KDM7A: variants seen among roughly 807,000 people sequenced by gnomAD.
KDM7A encodes lysine demethylase 7A.
A neutral mutation model predicts 114.8 loss-of-function variants in KDM7A; 28 were observed. That is an observed-to-expected ratio of 0.24 (90% CI 0.18 to 0.33). KDM7A has a LOEUF of 0.33. Ranked by LOEUF, KDM7A falls within the 10% of genes least tolerant of loss-of-function variation. KDM7A has a pLI of 1.00. For synonymous variants in KDM7A, 423 were observed against 397.8 expected, an observed-to-expected ratio of 1.06 and a Z score of -0.75; for missense variants, 942 against 1,142.5, an observed-to-expected ratio of 0.82 and a Z score of 2.53.
At chr7:140,132,066 T>C (rs1818795810) in intron 3 of KDM7A, among the ~76,000 whole-genome samples, 1 of 152,234 alleles carries the variant, frequency 6.6e-6, no homozygotes, top group Non-Finnish European at 1.5e-5. Flanking sequence ...TTAATGTTTT[T>C]ATGTAGAAAA....
intron 17 of KDM7A, among the ~76,000 whole-genome samples, chr7:140,095,264 C>CGGT (rs1196088636): frequency 2.6e-5 from 4 of 152,144 alleles, no homozygotes; most frequent in Non-Finnish European, 5.9e-5. Context: ...CTGAATTTTG[C>CGGT]AGTATTTCCA....
intron 1 of KDM7A, among the ~76,000 whole-genome samples, chr7:140,157,554 T>C (rs1562959664): frequency 1.3e-5 from 2 of 152,146 alleles, no homozygotes; most frequent in African/African-American, 2.4e-5. Flanking sequence ...CTTGGGAGGC[T>C]GAAGTGTGAG....
At chr7:140,100,681 CATATATACAT>C (rs1818191717) in intron 12 of KDM7A, among the ~76,000 whole-genome samples, 9 of 44,346 alleles carry the variant, frequency 2.0e-4, no homozygotes, top group East Asian at 1.2e-3. Flanking sequence ...TATATATATA[CATATATACAT>C]ATATATATAT....
intron 18 of KDM7A, among the ~76,000 whole-genome samples, chr7:140,093,037 TTAAA>T (rs761580415): frequency 1.3e-5 from 2 of 152,232 alleles, no homozygotes; most frequent in African/African-American, 2.4e-5. Flanking sequence ...AAGTAATTGC[TTAAA>T]TATTTAGAAA....
intron 3 of KDM7A, among the ~76,000 whole-genome samples, chr7:140,131,623 T>C (rs1818788060): frequency 6.6e-6 from 1 of 152,208 alleles, no homozygotes; most frequent in Admixed American, 6.5e-5. Context: ...GTATTACCTC[T>C]TAGTTTCCCC....
intron 1 of KDM7A, among the ~76,000 whole-genome samples, chr7:140,145,509 A>T (rs866545701): frequency 2.6e-5 from 4 of 152,222 alleles, no homozygotes; most frequent in Admixed American, 1.3e-4. Context: ...GTGTGGAAAC[A>T]GTGTGTGGCT....
rs1256639771 is a variant in KDM7A at position 140,124,641 on chromosome 7, T to C, written c.1031A>G (p.His344Arg). ...KCYKCVVKQG[H>R]TLFVPTGWIH... ...CTTACCTGTAGGAACAAATAAGGTATGTCCCTGCTTTACCACACATTTGTA... is the reference window on the plus strand; with the variant it reads ...CTTACCTGTAGGAACAAATAAGGTACGTCCCTGCTTTACCACACATTTGTA... The change falls in exon 7 of 20, where the codon CAT becomes CGT. Residue 344 changes from histidine to arginine, a missense_variant. Physicochemically the swap from His to Arg is conservative, Grantham distance 29. This residue lies in a region of KDM7A where 318 missense variants were observed against 453.1 expected (regional missense o/e 0.70). Coordinates refer to ENST00000397560, the MANE Select transcript of KDM7A (RefSeq NM_030647.2). 1.2e-6 allele frequency: 2 copies of C among 1,612,042 alleles called. No individual in the cohort carries two copies. Among genetic ancestry groups the C allele is most frequent in the African/African-American group, 1.3e-5 (1 of 74,960 alleles).
chr7:140,118,060 C>G (rs1818560064), intron 9 of KDM7A, among the ~76,000 whole-genome samples: 1 of 152,190 alleles, frequency 6.6e-6, no homozygotes, highest in Admixed American at 6.5e-5. Flanking sequence ...TTTACCTTTT[C>G]TTCTTGTTTA....
chr7:140,173,108 T>A (rs1439745798), intron 1 of KDM7A, among the ~76,000 whole-genome samples: 1 of 152,096 alleles, frequency 6.6e-6, no homozygotes, highest in African/African-American at 2.4e-5. Context: ...CAGAAAGACA[T>A]CTAGCCTGGA....
At chr7:140,094,558 C>A (rs1460379307) in intron 17 of KDM7A, 1 of 175,556 alleles carries the variant, frequency 5.7e-6, no homozygotes, top group African/African-American at 2.4e-5. Flanking sequence ...TTTAAAAACA[C>A]ATTAACTCTT....
chr7:140,133,410 T>C, intron 3 of KDM7A, 129 bp downstream of exon 3: 1 of 556,130 alleles, frequency 1.8e-6, no homozygotes, highest in East Asian at 2.7e-5. Flanking sequence ...AGAAAAAAGG[T>C]GAAAAGCTGG....
chr7:140,103,473 C>CACG (rs929486502), intron 11 of KDM7A, among the ~76,000 whole-genome samples: 1 of 151,784 alleles, frequency 6.6e-6, no homozygotes, highest in Non-Finnish European at 1.5e-5. Flanking sequence ...CCCTCCAACC[C>CACG]ACGACAGGTC....
At position 140,129,517 on chromosome 7, in the gene KDM7A, C is replaced by A; in HGVS notation, c.535G>T (p.Val179Leu). The change falls in exon 4 of 20, where the codon GTG becomes TTG. Residue 179 changes from valine to leucine, a missense_variant. Coordinates refer to ENST00000397560, the MANE Select transcript of KDM7A (RefSeq NM_030647.2). ...CCTACATAACGTTCCACATCCATCA[C>A]AGAAAATGTAGGTGAAGGGAGCCTG... ...GLRLPSPTFS[V>L]MDVERYVGGD... The A allele has an allele frequency of 6.2e-7, 1 of 1,613,682 alleles. No homozygotes were observed. Among genetic ancestry groups the A allele is most frequent in the Non-Finnish European group, 8.5e-7 (1 of 1,179,722 alleles).
At chr7:140,105,352 T>A (rs1483668779) in intron 11 of KDM7A, among the ~76,000 whole-genome samples, 1 of 152,212 alleles carries the variant, frequency 6.6e-6, no homozygotes, top group African/African-American at 2.4e-5. Flanking sequence ...AGAGAGGGCA[T>A]TCCTGTCTTG....
At chr7:140,141,482 T>C (rs1794276872) in intron 1 of KDM7A, among the ~76,000 whole-genome samples, 1 of 152,134 alleles carries the variant, frequency 6.6e-6, no homozygotes, top group South Asian at 2.1e-4. Context: ...TGCACTCATA[T>C]GTAACAGGAG....
At chr7:140,108,637 G>A (rs113591009) in intron 11 of KDM7A, among the ~76,000 whole-genome samples, 32 of 152,250 alleles carry the variant, frequency 2.1e-4, no homozygotes, top group African/African-American at 4.3e-4. Context: ...TGGAAGCTTC[G>A]TCTCAGAGGG....
At chr7:140,139,335 A>G in intron 1 of KDM7A, 145 bp from the exon 2 acceptor site, 1 of 582,444 alleles carries the variant, frequency 1.7e-6, no homozygotes. Flanking sequence ...TATAAAGATA[A>G]ATTTTATTCT....
At chr7:140,168,580 A>C (rs2116857922) in intron 1 of KDM7A, among the ~76,000 whole-genome samples, 1 of 152,188 alleles carries the variant, frequency 6.6e-6, no homozygotes, top group African/African-American at 2.4e-5. Context: ...AAAAAAAAAA[A>C]AACTGGATGT....
rs180956420 is a variant in KDM7A, at chr7:140,169,823, A to G, written c.194+6921T>C. Among the ~76,000 whole-genome samples, 134 of 152,250 alleles carry G rather than the reference A, an allele frequency of 8.8e-4. 1 individual carries two copies. Among genetic ancestry groups the G allele is most frequent in the African/African-American group, 3.1e-3 (128 of 41,560 alleles). On this transcript the variant is annotated intron_variant, in intron 1 of 19. Coordinates refer to ENST00000397560, the MANE Select transcript of KDM7A (RefSeq NM_030647.2). ...AGCGTGAGCCACTGTGTCCAACCTA[A>G]CTAATGGTTTTTAAAAAGCTTATGA... is the stretch of plus-strand genomic sequence containing the variant.
Sources: allele counts gnomAD v4.1 joint callset (sites outside exome capture counted in the v4.1 genomes callset), GRCh38; gene constraint gnomAD v4.1.1; regional missense constraint gnomAD v4.1.1; transcripts MANE v1.5; gene names NCBI Gene and HGNC (gene_info 2026-07-23, HGNC 2026-07-21).